Variants in PXDN observed in about 807,000 individuals in gnomAD.
The protein encoded by PXDN is peroxidasin homolog.
A neutral mutation model predicts 140.3 loss-of-function variants in PXDN; 77 were observed. That is an observed-to-expected ratio of 0.55 (90% confidence interval 0.46 to 0.66). The LOEUF (loss-of-function observed/expected upper bound fraction) is 0.66, where lower values mean the gene tolerates loss of function less well. PXDN is among the 30% of genes least tolerant of loss of function. The probability of loss-of-function intolerance (pLI) is 0.00; values close to 1 mark genes in which losing one functional copy is unlikely to be tolerated. For missense variants in PXDN, 1,838 were observed against 2,039.5 expected (o/e 0.90, Z 1.90); for synonymous variants, 911 against 857.4 (o/e 1.06, Z -1.09).
At chr2:1,711,629 CCCGCT>C in intron 1 of PXDN, among the ~76,000 whole-genome samples, 4 of 141,842 alleles carry the variant, frequency 2.8e-5, no homozygotes, top group Non-Finnish European at 6.0e-5. Flanking sequence ...TCCACCAGCA[CCCGCT>C]CCACCAGCAC....
At chr2:1,691,805 A>G in intron 3 of PXDN, 123 bp downstream of exon 3, 1 of 648,218 alleles carries the variant, frequency 1.5e-6, no homozygotes, top group Non-Finnish European at 2.6e-6. Context: ...CACCTTCTCA[A>G]AATAAAACCT....
intron 1 of PXDN, among the ~76,000 whole-genome samples, chr2:1,728,905 C>A (rs901593625): frequency 6.6e-6 from 1 of 152,206 alleles, no homozygotes. Context: ...CGAGACAGGC[C>A]GAGCCCTCTT....
chr2:1,648,233 G>C lies in PXDN; in HGVS notation c.3547C>G (p.His1183Asp), dbSNP rs1386521408. Residue 1183 changes from histidine (H) to aspartate (D), a missense_variant, in exon 17 of 23, where the codon CAC (histidine) becomes GAC (aspartate). This residue lies in a region of PXDN where 850 missense variants were observed against 894.1 expected (regional missense o/e 0.95). Coordinates refer to ENST00000252804, the MANE Select transcript of PXDN (RefSeq NM_012293.3). The surrounding 1 kb of genome is among the most constrained non-coding windows in gnomAD (Gnocchi z 8.9). The stretch of plus-strand genomic sequence containing the variant: ...TCATTTTTCAGGTCCTCGAACGTGT[G>C]TGCCGCCGATAGATTGCAGTAGACC... Reference protein sequence around the residue: ...YRVYCNLSAAHTFEDLKNEIK... With the variant: ...YRVYCNLSAADTFEDLKNEIK... 6.2e-7 allele frequency: 1 copy of C among 1,613,796 alleles called. No individual in the cohort carries two copies.
rs533477519 is a variant in PXDN at position 1,660,281 on chromosome 2, C to G, written c.1837+600G>C. Among the ~76,000 whole-genome samples, 3 of 152,078 alleles carry G rather than the reference C, an allele frequency of 2.0e-5. No homozygotes were observed. The highest frequency in any genetic ancestry group is 2.9e-5 in the Non-Finnish European group (2 of 68,022). ...TGACCCGGGCCTCTGTTACAAGAAC[C>G]CGGACAAGATGCCAAGGGCCTCGGG... is the stretch of plus-strand genomic sequence containing the variant. On this transcript the variant is annotated intron_variant, in intron 14 of 22. Coordinates refer to ENST00000252804, the MANE Select transcript of PXDN (RefSeq NM_012293.3). The surrounding 1 kb of genome is among the most constrained non-coding windows in gnomAD (Gnocchi z 4.6).
At chr2:1,642,238 C>CCA (rs1458423710) in intron 19 of PXDN, among the ~76,000 whole-genome samples, 3 of 152,040 alleles carry the variant, frequency 2.0e-5, no homozygotes, top group African/African-American at 4.8e-5. Context: ...TACACACACT[C>CCA]CACACACACA....
In PXDN at chr2:1,678,804, C is replaced by T. The variant is rs1035526135; in HGVS notation, c.730+1389G>A. Among the ~76,000 whole-genome samples, 8 of 152,256 alleles carry T rather than the reference C, an allele frequency of 5.3e-5. No individual in the cohort carries two copies. The South Asian group carries it at 8.3e-4, about 16-fold the overall frequency. ...GGAGCTGTTGACAGCCAGTGCCCTG[C>T]GGAGCTGAGGGCGGAGTCTGGGTCC... On this transcript the variant is annotated intron_variant, in intron 7 of 22. Transcript: ENST00000252804.
intron 2 of PXDN, chr2:1,692,720 C>A (rs2125450715): frequency 2.3e-6 from 1 of 429,886 alleles, no homozygotes; most frequent in South Asian, 1.8e-5. Context: ...CTCAATCTTG[C>A]CACGGAGGAG....
At position 1,639,755 on chromosome 2, in the gene PXDN, C is replaced by T. The variant is rs995577265; in HGVS notation, c.3953-333G>A. The stretch of plus-strand genomic sequence containing the variant: ...AGATGGAGGCTCAGGCACTCTGCCT[C>T]GGAGATCAGAGTCTGCTGTTTCTGG... On this transcript the variant is annotated intron_variant, in intron 19 of 22. Coordinates refer to ENST00000252804, the MANE Select transcript of PXDN (RefSeq NM_012293.3). The surrounding 1 kb of genome is among the most constrained non-coding windows in gnomAD (Gnocchi z 5.0). Among the ~76,000 whole-genome samples the T allele has an allele frequency of 3.9e-5, 6 of 152,208 alleles. No individual in the cohort carries two copies. The highest frequency in any genetic ancestry group is 3.9e-4 in the East Asian group (2 of 5,180).
chr2:1,685,210 G>A lies in PXDN; in HGVS notation c.417-1059C>T, dbSNP rs1279171100. Among the ~76,000 whole-genome samples, 1 of 152,232 alleles carries A rather than the reference G, an allele frequency of 6.6e-6. No homozygotes were observed. The highest frequency in any genetic ancestry group is 1.5e-5 in the Non-Finnish European group (1 of 68,040). Reference sequence around the variant, plus strand: ...TCTCTGCGGACACCTGCAGCCGGAGGGCCCCCAAACGCAGACCATCCCTGC... The same window carrying A: ...TCTCTGCGGACACCTGCAGCCGGAGAGCCCCCAAACGCAGACCATCCCTGC... On this transcript the variant is annotated intron_variant, in intron 4 of 22. Transcript: ENST00000252804. This position sits in a 1 kb window ranked among gnomAD's most constrained non-coding sequence, Gnocchi z 5.1.
At position 1,648,839 on chromosome 2, in the gene PXDN, G is replaced by T; in HGVS notation, c.2941C>A (p.Gln981Lys). The T allele has an allele frequency of 6.2e-7, 1 of 1,600,682 alleles. No individual in the cohort carries two copies. Residue 981 changes from glutamine to lysine, a missense_variant, in exon 17 of 23, where the codon CAG becomes AAG. By Grantham distance (53) the Gln-to-Lys change is moderately conservative (BLOSUM62 1). Around this residue, in one of 5 missense-constraint regions of PXDN, gnomAD observed 850 missense variants for 894.1 expected, o/e 0.95. Transcript: ENST00000252804. The surrounding 1 kb of genome is among the most constrained non-coding windows in gnomAD (Gnocchi z 8.9). ...FLAGDHRANE[Q>K]LGLTSMHTLW... The stretch of plus-strand genomic sequence containing the variant: ...GTGTGCATGCTGGTCAGGCCCAGCT[G>T]CTCGTTGGCGCGGTGGTCCCCGGCC...
rs767087355 is a variant in PXDN, at chr2:1,649,529, G to C, written c.2251C>G (p.Leu751Val). The C allele has an allele frequency of 1.9e-6, 3 of 1,613,912 alleles. No homozygotes were observed. The highest frequency in any genetic ancestry group is 1.3e-5 in the African/African-American group (1 of 74,938). Residue 751 changes from leucine (L) to valine (V), a missense_variant, in exon 17 of 23, where the codon CTG becomes GTG. Physicochemically the swap from Leu to Val is conservative, Grantham distance 32. Transcript: ENST00000252804. This position sits in a 1 kb window ranked among gnomAD's most constrained non-coding sequence, Gnocchi z 7.1. ...YRTHDGTCNN[L>V]QHPMWGASLT... is the part of the protein sequence containing the mutation. ...GAGGCGCCCCACATGGGGTGCTGCA[G>C]GTTGTTACAGGTGCCGTCGTGCGTC...
At chr2:1,733,834 A>G (rs892501206) in intron 1 of PXDN, among the ~76,000 whole-genome samples, 2 of 151,386 alleles carry the variant, frequency 1.3e-5, no homozygotes, top group Non-Finnish European at 2.9e-5. Context: ...AATTAAGGCA[A>G]GGTAAAGAAA....
At position 1,651,920 on chromosome 2, in the gene PXDN, A is replaced by T. The variant is rs1683023449; in HGVS notation, c.2104+1708T>A. 6.6e-6 allele frequency among the ~76,000 whole-genome samples: 1 copy of T among 152,244 alleles called. No individual in the cohort carries two copies. Among genetic ancestry groups the T allele is most frequent in the African/African-American group, 2.4e-5 (1 of 41,468 alleles). On this transcript the variant is annotated intron_variant, in intron 16 of 22. Coordinates refer to ENST00000252804, the MANE Select transcript of PXDN (RefSeq NM_012293.3). The surrounding 1 kb of genome is among the most constrained non-coding windows in gnomAD (Gnocchi z 4.4). Reference sequence around the variant, plus strand: ...CGTTTGTGACTGTAGGCCCTGGCCCAGGACAATGACTGGCATAGAGGGTGT... The same window carrying T: ...CGTTTGTGACTGTAGGCCCTGGCCCTGGACAATGACTGGCATAGAGGGTGT...
chr2:1,739,572 T>C (rs1400481060), intron 1 of PXDN, among the ~76,000 whole-genome samples: 1 of 152,168 alleles, frequency 6.6e-6, no homozygotes, highest in Non-Finnish European at 1.5e-5. Context: ...ACTCATGTAG[T>C]CACATACTAG....
intron 1 of PXDN, among the ~76,000 whole-genome samples, chr2:1,738,122 G>T (rs1469068752): frequency 6.6e-6 from 1 of 151,842 alleles, no homozygotes; most frequent in Non-Finnish European, 1.5e-5. Flanking sequence ...CATCAAACAT[G>T]GTAAAGTTGG....
intron 8 of PXDN, 88 bp from the exon 9 acceptor site, chr2:1,673,900 C>A: frequency 7.0e-7 from 1 of 1,419,432 alleles, no homozygotes; most frequent in South Asian, 1.2e-5. Context: ...TCCAGCCCTG[C>A]AGCAGGCACA....
chr2:1,692,100 A>G (rs1684194009), intron 2 of PXDN, 101 bp from the exon 3 acceptor site: 1 of 821,614 alleles, frequency 1.2e-6, no homozygotes, highest in South Asian at 1.7e-5. Context: ...CACATTGACA[A>G]TTCAGTTACA....
intron 3 of PXDN, among the ~76,000 whole-genome samples, chr2:1,689,513 T>C (rs762766240): frequency 3.3e-5 from 5 of 152,200 alleles, no homozygotes; most frequent in Non-Finnish European, 7.3e-5. Context: ...CTGGCCGTGG[T>C]GGCTCATGCC....
chr2:1,714,128 G>A lies in PXDN; in HGVS notation c.201-20994C>T, dbSNP rs917569982. Among the ~76,000 whole-genome samples the A allele has an allele frequency of 6.6e-6, 1 of 152,168 alleles. No individual in the cohort carries two copies. Among genetic ancestry groups the A allele is most frequent in the Non-Finnish European group, 1.5e-5 (1 of 68,032 alleles). On this transcript the variant is annotated intron_variant, in intron 1 of 22. Coordinates refer to ENST00000252804, the MANE Select transcript of PXDN (RefSeq NM_012293.3). The surrounding 1 kb of genome is among the most constrained non-coding windows in gnomAD (Gnocchi z 4.3). ...ATCCGTCACCTTTGGTGACTTCCCCGCCACAACACCCATCCACATCCAGGA... is the reference window on the plus strand; with the variant it reads ...ATCCGTCACCTTTGGTGACTTCCCCACCACAACACCCATCCACATCCAGGA...
Sources: gnomAD v4.1 joint callset for allele counts (sites outside exome capture counted in the v4.1 genomes callset) on GRCh38, gnomAD v4.1.1 for gene constraint, gnomAD v4.1.1 regional missense constraint, Gnocchi (gnomAD v3.1) non-coding constraint, MANE v1.5 for transcripts, NCBI Gene and HGNC (gene_info 2026-07-23, HGNC 2026-07-21) for gene names.